Variants in ADI1 observed in about 807,000 individuals in gnomAD.
ADI1 encodes acireductone dioxygenase.
Under a neutral mutation model 18.7 loss-of-function variants are expected in ADI1, and 21 were observed. That is an observed-to-expected ratio of 1.13 (90% CI 0.80 to 1.62). The LOEUF is 1.62. Ranked by LOEUF, ADI1 falls within the 40% of genes most tolerant of loss-of-function variation. The pLI, the probability that ADI1 is intolerant of heterozygous loss-of-function variation, is 0.00. For missense variants in ADI1, 245 were observed against 254.9 expected, an observed-to-expected ratio of 0.96 and a Z score of 0.26; for synonymous variants, 90 against 100.1, an observed-to-expected ratio of 0.90 and a Z score of 0.60.
At chr2:3,501,455 G>C (rs950731954) in intron 2 of ADI1, among the ~76,000 whole-genome samples, 2 of 152,176 alleles carry the variant, frequency 1.3e-5, no homozygotes, top group Non-Finnish European at 2.9e-5. Context: ...ACAACACACA[G>C]GGTGAGTGAG....
intron 1 of ADI1, chr2:3,515,187 C>T (rs995281766): frequency 5.7e-6 from 1 of 176,158 alleles, no homozygotes; most frequent in African/African-American, 2.4e-5. Context: ...TTTCTTCTTG[C>T]AGAGAGCCTA....
chr2:3,498,902 T>C lies in ADI1; in HGVS notation c.*61A>G. 1 of 1,543,904 alleles carries C rather than the reference T, an allele frequency of 6.5e-7. No homozygotes were observed. The highest frequency in any genetic ancestry group is 8.8e-7 in the Non-Finnish European group (1 of 1,138,748). On this transcript the variant is annotated 3_prime_UTR_variant, in exon 4 of 4. Coordinates refer to ENST00000327435, the MANE Select transcript of ADI1 (RefSeq NM_018269.4). ...AAAGCAAAGAGAAAGTGATTGATTT[T>C]CTGCTCAGTCATTACATTGGGGACC...
rs1324981964 is a variant in ADI1, at chr2:3,500,886, C to G, written c.348G>C (p.Arg116=). ...CCATGTCTCCCTTCTCCATGAAGAT[C>G]CGGATCCACTGGTCCTCCTTGTCCC... ...DVRDKEDQWI[R]IFMEKGDMVT... The change falls in exon 3 of 4, where the codon CGG becomes CGC. Residue 116 remains arginine (R), a synonymous_variant. Transcript: ENST00000327435. 6 of 1,614,132 alleles carry G rather than the reference C, an allele frequency of 3.7e-6. No homozygotes were observed. The Admixed American group carries it at 1.0e-4, about 27-fold the overall frequency.
chr2:3,515,952 G>A, intron 1 of ADI1: 1 of 985,438 alleles, frequency 1.0e-6, no homozygotes, highest in Non-Finnish European at 1.2e-6. Flanking sequence ...CTACAAAGTT[G>A]ACTCTAAAAC....
At position 3,499,091 on chromosome 2, in the gene ADI1, C is replaced by A; in HGVS notation, c.421-9G>T. 6.2e-7 allele frequency: 1 copy of A among 1,612,036 alleles called. No individual in the cohort carries two copies. The highest frequency in any genetic ancestry group is 1.1e-5 in the South Asian group (1 of 91,008). ...ATGGCCTTCGTGTAGTTCTGGAAAA[C>A]AGACAAACACACCCAGCATCTCATT... On this transcript the variant is annotated splice_polypyrimidine_tract_variant and intron_variant, in intron 3 of 3. Coordinates refer to ENST00000327435, the MANE Select transcript of ADI1 (RefSeq NM_018269.4).
intron 2 of ADI1, among the ~76,000 whole-genome samples, chr2:3,513,445 T>TA (rs1156953213): frequency 3.7e-4 from 56 of 152,280 alleles, no homozygotes; most frequent in Non-Finnish European, 7.2e-4. Context: ...ATCATGAGGG[T>TA]GGATTTCTCA....
Position 3,513,717 on chromosome 2 carries a change from TAC to T in ADI1, c.240+138_240+139del, listed in dbSNP as rs534991567. On this transcript the variant is annotated intron_variant, in intron 2 of 3. Coordinates refer to ENST00000327435, the MANE Select transcript of ADI1 (RefSeq NM_018269.4). ...CAATTAAATCTCTTTTCTTATAAAT[TAC>T]ACAGTTTCAGGTATTTATTTATAGC... 2.4e-4 allele frequency: 218 copies of T among 908,374 alleles called. No homozygotes were observed. The African/African-American group carries it at 3.1e-3, about 13-fold the overall frequency. 56.3% of individuals were successfully genotyped at this position (908,374 alleles called of 1,614,324 possible).
At chr2:3,503,695 A>G (rs1482989317) in intron 2 of ADI1, among the ~76,000 whole-genome samples, 1 of 152,242 alleles carries the variant, frequency 6.6e-6, no homozygotes, top group East Asian at 1.9e-4. Flanking sequence ...AAGGTCAGGA[A>G]AAGCAGGAGG....
intron 3 of ADI1, chr2:3,500,505 C>A: frequency 6.8e-6 from 2 of 292,160 alleles, no homozygotes; most frequent in Non-Finnish European, 5.6e-6. Context: ...TGGGGCAGGG[C>A]CAGGCTCGTG....
At chr2:3,519,150 G>A (rs1667499704) in intron 1 of ADI1, 2 of 524,956 alleles carry the variant, frequency 3.8e-6, no homozygotes, top group South Asian at 5.7e-5. Context: ...ACACCCAGGC[G>A]CCGCGCAGGA....
chr2:3,501,343 G>A (rs1321728572), intron 2 of ADI1, among the ~76,000 whole-genome samples: 1 of 152,008 alleles, frequency 6.6e-6, no homozygotes, highest in Middle Eastern at 3.2e-3. Flanking sequence ...GCACAGAGAG[G>A]CTAAGTCACT....
In ADI1 at chr2:3,498,011, G is replaced by A. The variant is rs1666904917; in HGVS notation, c.*952C>T. The A allele has an allele frequency of 6.6e-6, 1 of 151,926 alleles. No homozygotes were observed. The highest frequency in any genetic ancestry group is 6.6e-5 in the Admixed American group (1 of 15,250). 9.4% of individuals were successfully genotyped at this position (151,926 alleles called of 1,614,324 possible). The stretch of plus-strand genomic sequence containing the variant: ...ATATGGCATCATCACACCACCGGTG[G>A]GTATTTTAATCCTAAAACTGAGACA... On this transcript the variant is annotated 3_prime_UTR_variant, in exon 4 of 4. Coordinates refer to ENST00000327435, the MANE Select transcript of ADI1 (RefSeq NM_018269.4).
Position 3,515,849 on chromosome 2 carries a change from T to C in ADI1, c.121-1873A>G, listed in dbSNP as rs374789909. 22 of 959,770 alleles carry C rather than the reference T, an allele frequency of 2.3e-5. No homozygotes were observed. The African/African-American group carries it at 3.0e-4, about 13-fold the overall frequency. The allele number at this position is 959,770 out of a possible 1,614,324, so 59.5% of individuals were successfully genotyped here. A position where few individuals can be genotyped will look rare whatever the true frequency, so the allele number is the denominator to read the frequency against. On this transcript the variant is annotated intron_variant, in intron 1 of 3. Transcript: ENST00000327435. ...TCTTTATTTCTCAGCTGGCCGACAC[T>C]TATGGAAAATGGAACCTATGTTGAA...
At chr2:3,506,057 A>G (rs1366456203) in intron 2 of ADI1, among the ~76,000 whole-genome samples, 2 of 152,192 alleles carry the variant, frequency 1.3e-5, no homozygotes, top group Non-Finnish European at 2.9e-5. Flanking sequence ...TGGAAGCCTG[A>G]GCTGACTAAG....
At chr2:3,516,782 T>C (rs951654097) in intron 1 of ADI1, 1 of 985,318 alleles carries the variant, frequency 1.0e-6, no homozygotes. Flanking sequence ...AAAGGTTTTT[T>C]AGAACTCTAT....
chr2:3,500,490 A>T (rs367730721), intron 3 of ADI1: 1 of 229,820 alleles, frequency 4.4e-6, no homozygotes, highest in South Asian at 4.8e-5. Context: ...CCGCCAAGCA[A>T]GGGCTGGGGC....
At chr2:3,511,278 T>C (rs781182138) in intron 2 of ADI1, among the ~76,000 whole-genome samples, 1 of 152,066 alleles carries the variant, frequency 6.6e-6, no homozygotes, top group Non-Finnish European at 1.5e-5. Flanking sequence ...CAGATGGTGG[T>C]GCCAGGAAGC....
At chr2:3,499,707 C>T (rs1036225804) in intron 3 of ADI1, among the ~76,000 whole-genome samples, 3 of 152,152 alleles carry the variant, frequency 2.0e-5, no homozygotes, top group Admixed American at 2.0e-4. Flanking sequence ...AAATACAGTA[C>T]AGCATGTCCA....
rs1364579706 is a variant in ADI1, at chr2:3,497,835, A to G, written c.*1128T>C. 1 of 152,242 alleles carries G rather than the reference A, an allele frequency of 6.6e-6. No individual in the cohort carries two copies. Among genetic ancestry groups the G allele is most frequent in the African/African-American group, 2.4e-5 (1 of 41,466 alleles). 9.4% of individuals were successfully genotyped at this position (152,242 alleles called of 1,614,324 possible). ...AGCAAGAAAGGCAATTTAAAGCGAT[A>G]GTTTATCATATGAATGTTTCGTTCT... On this transcript the variant is annotated 3_prime_UTR_variant, in exon 4 of 4. Coordinates refer to ENST00000327435, the MANE Select transcript of ADI1 (RefSeq NM_018269.4).
Sources: allele counts gnomAD v4.1 joint callset (sites outside exome capture counted in the v4.1 genomes callset), GRCh38; gene constraint gnomAD v4.1.1; transcripts MANE v1.5; gene names NCBI Gene and HGNC (gene_info 2026-07-23, HGNC 2026-07-21).